Variants in OTUD7A observed in about 807,000 individuals in gnomAD.
OTUD7A encodes OTU deubiquitinase 7A.
OTUD7A carries 12 observed loss-of-function variants against 65.7 expected under a neutral mutation model. The observed-to-expected ratio is 0.18, with a 90% CI of 0.12 to 0.30. The LOEUF (loss-of-function observed/expected upper bound fraction) is 0.30, where lower values mean the gene tolerates loss of function less well. Ranked by LOEUF, OTUD7A falls within the 10% of genes least tolerant of loss-of-function variation. The pLI, the probability that OTUD7A is intolerant of heterozygous loss-of-function variation, is 1.00. For synonymous variants in OTUD7A, 641 were observed against 586.3 expected, an observed-to-expected ratio of 1.09 and a Z score of -1.35; for missense variants, 1,148 against 1,304.8, an observed-to-expected ratio of 0.88 and a Z score of 1.85.
intron 12 of OTUD7A, among the ~76,000 whole-genome samples, chr15:31,486,924 A>G (rs1305807523): frequency 6.6e-6 from 1 of 152,252 alleles, no homozygotes; most frequent in African/African-American, 2.4e-5. Context: ...GCATGCTTGC[A>G]TGCACACATG....
At chr15:31,809,728 C>T (rs1437780715) in intron 1 of OTUD7A, among the ~76,000 whole-genome samples, 1 of 152,188 alleles carries the variant, frequency 6.6e-6, no homozygotes, top group East Asian at 1.9e-4. Context: ...AAGCCAGTAA[C>T]CTTGAGACTC....
chr15:31,747,479 G>A (rs955060960), intron 1 of OTUD7A, among the ~76,000 whole-genome samples: 6 of 152,138 alleles, frequency 3.9e-5, no homozygotes, highest in African/African-American at 4.8e-5. Context: ...AAAGGACAGA[G>A]AGCTAGTTTG....
At chr15:31,770,722 T>C (rs531784404) in intron 1 of OTUD7A, among the ~76,000 whole-genome samples, 12 of 152,340 alleles carry the variant, frequency 7.9e-5, no homozygotes, top group African/African-American at 2.9e-4. Flanking sequence ...CCAATTTGAA[T>C]TTATTCCAGT....
intron 3 of OTUD7A, among the ~76,000 whole-genome samples, chr15:31,616,652 C>T (rs1194283590): frequency 6.6e-6 from 1 of 152,194 alleles, no homozygotes; most frequent in Non-Finnish European, 1.5e-5. Context: ...TCAAGCGATT[C>T]TCCTGCCTCA....
At chr15:31,763,288 C>T (rs1162993198) in intron 1 of OTUD7A, among the ~76,000 whole-genome samples, 2 of 151,604 alleles carry the variant, frequency 1.3e-5, no homozygotes, top group Non-Finnish European at 2.9e-5. Flanking sequence ...ATCTCAACAA[C>T]AACAACAACA....
At chr15:31,559,833 T>C (rs567599703) in intron 4 of OTUD7A, among the ~76,000 whole-genome samples, 40 of 152,216 alleles carry the variant, frequency 2.6e-4, no homozygotes, top group African/African-American at 8.7e-4. Flanking sequence ...TACACATACA[T>C]GTGTGCACAC....
intron 3 of OTUD7A, among the ~76,000 whole-genome samples, chr15:31,653,044 C>T (rs576025472): frequency 2.8e-4 from 43 of 152,116 alleles, no homozygotes; most frequent in Middle Eastern, 6.8e-3. Context: ...AGGTCAGGAG[C>T]TCAAGACCAG....
rs546470805 is a variant in OTUD7A, at chr15:31,719,202, C to G, written c.-99-62125G>C. ...TGCACTCAAGCGATCTTCAGTCTCC[C>G]AAAGTGCTGGGATCACAGGCGTGCA... On this transcript the variant is annotated intron_variant, in intron 1 of 12. Coordinates refer to ENST00000307050, the MANE Select transcript of OTUD7A (RefSeq NM_001382637.1). Among the ~76,000 whole-genome samples the G allele has an allele frequency of 4.6e-5, 7 of 152,260 alleles. No individual in the cohort carries two copies. In the South Asian group the frequency reaches 1.2e-3, roughly 27 times the overall value.
intron 3 of OTUD7A, among the ~76,000 whole-genome samples, chr15:31,625,879 A>G (rs1453446436): frequency 6.6e-6 from 1 of 152,110 alleles, no homozygotes; most frequent in Non-Finnish European, 1.5e-5. Flanking sequence ...CTCAACATAG[A>G]TGAATTTCAG....
At chr15:31,610,663 C>T (rs1347561091) in intron 3 of OTUD7A, among the ~76,000 whole-genome samples, 1 of 110,944 alleles carries the variant, frequency 9.0e-6, no homozygotes, top group African/African-American at 3.6e-5. Flanking sequence ...ACTCTGTTGC[C>T]CAGGCTGGAA....
chr15:31,777,608 G>C (rs1895419934), intron 1 of OTUD7A, among the ~76,000 whole-genome samples: 1 of 152,200 alleles, frequency 6.6e-6, no homozygotes, highest in South Asian at 2.1e-4. Context: ...GTGGAGTGCA[G>C]TGTAGAGGCT....
intron 8 of OTUD7A, among the ~76,000 whole-genome samples, chr15:31,506,415 G>A (rs190998508): frequency 0.016 from 2,411 of 151,898 alleles, 34 homozygotes; most frequent in Non-Finnish European, 0.026. Context: ...GCAGCTATTT[G>A]ATTTTGTATT....
At chr15:31,824,009 G>A (rs1261722557) in intron 1 of OTUD7A, among the ~76,000 whole-genome samples, 1 of 152,154 alleles carries the variant, frequency 6.6e-6, no homozygotes, top group Non-Finnish European at 1.5e-5. Context: ...ACATCTTCCA[G>A]ACAATCTTAC....
At chr15:31,525,367 G>C (rs2041996574) in intron 8 of OTUD7A, among the ~76,000 whole-genome samples, 1 of 152,238 alleles carries the variant, frequency 6.6e-6, no homozygotes, top group Non-Finnish European at 1.5e-5. Context: ...TGGAGGAAGG[G>C]TGTGCCAGCG....
At chr15:31,489,102 G>A (rs546018097) in intron 10 of OTUD7A, among the ~76,000 whole-genome samples, 1 of 152,302 alleles carries the variant, frequency 6.6e-6, no homozygotes, top group East Asian at 1.9e-4. Context: ...CCAGCAGCCT[G>A]TCCCATAGTT....
At chr15:31,661,613 C>T (rs564959813) in intron 1 of OTUD7A, among the ~76,000 whole-genome samples, 2 of 152,350 alleles carry the variant, frequency 1.3e-5, no homozygotes, top group African/African-American at 4.8e-5. Context: ...CTCCTGCTCA[C>T]ATAATTTTGA....
At chr15:31,562,589 G>A (rs1485910930) in intron 4 of OTUD7A, among the ~76,000 whole-genome samples, 1 of 151,726 alleles carries the variant, frequency 6.6e-6, no homozygotes, top group Admixed American at 6.6e-5. Flanking sequence ...CCAAGGAACT[G>A]TGAGTTAAAA....
chr15:31,730,440 G>A (rs1894008158), intron 1 of OTUD7A, among the ~76,000 whole-genome samples: 1 of 152,160 alleles, frequency 6.6e-6, no homozygotes, highest in Non-Finnish European at 1.5e-5. Context: ...CCTTGCTTGA[G>A]AGAGTTCATC....
At chr15:31,662,625 G>C (rs1182899780) in intron 1 of OTUD7A, among the ~76,000 whole-genome samples, 1 of 152,096 alleles carries the variant, frequency 6.6e-6, no homozygotes, top group African/African-American at 2.4e-5. Context: ...AGAACTATGA[G>C]TCTTTTTTAT....
Sources: allele counts gnomAD v4.1 joint callset (sites outside exome capture counted in the v4.1 genomes callset), GRCh38; gene constraint gnomAD v4.1.1; transcripts MANE v1.5; gene names NCBI Gene and HGNC (gene_info 2026-07-23, HGNC 2026-07-21).